Variants in NALF1 observed in about 807,000 individuals in gnomAD.
NALF1 encodes the protein family with sequence similarity 155 member A.
In NALF1, 3 loss-of-function variants were observed where a neutral mutation model predicts 48.4. The ratio of observed to expected loss-of-function variants is 0.06; its 90% CI spans 0.03 to 0.16. The LOEUF (loss-of-function observed/expected upper bound fraction) is 0.16, where lower values mean the gene tolerates loss of function less well. Ranked by LOEUF, NALF1 falls within the 10% of genes least tolerant of loss-of-function variation. NALF1 has a pLI of 1.00. For synonymous variants in NALF1, 262 were observed against 245.7 expected, an observed-to-expected ratio of 1.07 and a Z score of -0.62; for missense variants, 526 against 571.5, an observed-to-expected ratio of 0.92 and a Z score of 0.81.
chr13:107,287,778 T>C (rs1176359783), intron 1 of NALF1, among the ~76,000 whole-genome samples: 2 of 150,140 alleles, frequency 1.3e-5, no homozygotes. Context: ...CAATCTCAGT[T>C]CACCACAACC....
At chr13:107,203,963 C>T (rs1458174784) in intron 2 of NALF1, among the ~76,000 whole-genome samples, 1 of 152,174 alleles carries the variant, frequency 6.6e-6, no homozygotes, top group Non-Finnish European at 1.5e-5. Context: ...CAGAGCTCTC[C>T]CTGCTCTCCA....
intron 1 of NALF1, among the ~76,000 whole-genome samples, chr13:107,693,559 C>T (rs1324973747): frequency 6.6e-6 from 1 of 150,526 alleles, no homozygotes; most frequent in East Asian, 1.9e-4. Context: ...GAATCTCTGC[C>T]ACGCTTATTA....
intron 2 of NALF1, among the ~76,000 whole-genome samples, chr13:107,195,042 G>A (rs1594064302): frequency 6.6e-6 from 1 of 152,230 alleles, no homozygotes; most frequent in South Asian, 2.1e-4. Flanking sequence ...TGCAAGAATG[G>A]CCATATTCAA....
chr13:107,183,922 C>G (rs1470109032), intron 2 of NALF1, among the ~76,000 whole-genome samples: 1 of 151,992 alleles, frequency 6.6e-6, no homozygotes, highest in Non-Finnish European at 1.5e-5. Flanking sequence ...ATTTTTCCAA[C>G]TTTACCACTG....
At chr13:107,204,058 GGCGCCCACAAGC>G in intron 2 of NALF1, among the ~76,000 whole-genome samples, 1 of 134,316 alleles carries the variant, frequency 7.4e-6, no homozygotes, top group South Asian at 2.3e-4. Flanking sequence ...GGCAGAGAGG[GGCGCCCACAAGC>G]TCTCCCTGCT....
chr13:107,465,314 TA>T (rs1236284481), intron 1 of NALF1, among the ~76,000 whole-genome samples: 21 of 7,444 alleles, frequency 2.8e-3, no homozygotes, highest in Non-Finnish European at 5.0e-3. Flanking sequence ...ACTGTATAAT[TA>T]TATATATATA....
At chr13:107,344,488 G>A (rs1010452747) in intron 1 of NALF1, among the ~76,000 whole-genome samples, 5 of 152,134 alleles carry the variant, frequency 3.3e-5, no homozygotes, top group African/African-American at 9.6e-5. Flanking sequence ...ATTAGACACT[G>A]TGACTAAGTT....
At chr13:107,173,047 CCA>C (rs1487431782) in intron 2 of NALF1, among the ~76,000 whole-genome samples, 6 of 152,204 alleles carry the variant, frequency 3.9e-5, no homozygotes, top group Admixed American at 2.0e-4. Flanking sequence ...TAAAATAATT[CCA>C]CAGAGTATTT....
At chr13:107,667,835 T>G (rs9514722) in intron 1 of NALF1, among the ~76,000 whole-genome samples, 82,388 of 151,946 alleles carry the variant, frequency 0.54, 23,494 homozygotes, top group Middle Eastern at 0.71. Flanking sequence ...CACTATACAA[T>G]CATAGAAGAG....
chr13:107,571,757 A>G (rs1877992422), intron 1 of NALF1, among the ~76,000 whole-genome samples: 1 of 152,208 alleles, frequency 6.6e-6, no homozygotes. Context: ...AACTCCAGGT[A>G]GCTACTATTA....
intron 1 of NALF1, among the ~76,000 whole-genome samples, chr13:107,679,271 CTTAAGTTTTT>C: frequency 6.6e-6 from 1 of 152,162 alleles, no homozygotes; most frequent in South Asian, 2.1e-4. Context: ...AAAACATTTT[CTTAAGTTTTT>C]TTTGAAAATG....
chr13:107,650,394 T>TAAA lies in NALF1; in HGVS notation c.915+215285_915+215287dup, dbSNP rs11330259. ...TTTGAACGGTAATCTCTGCAACCAT[T>TAAA]AAAAAAAAAAAAAAGGAACAAATTA... On this transcript the variant is annotated intron_variant, in intron 1 of 2. Coordinates refer to ENST00000375915, the MANE Select transcript of NALF1 (RefSeq NM_001080396.3). 4.9e-3 allele frequency among the ~76,000 whole-genome samples: 524 copies of TAAA among 107,668 alleles called. 6 individuals are homozygous for TAAA. Among genetic ancestry groups the TAAA allele is most frequent in the African/African-American group, 0.015 (487 of 31,564 alleles). 70.6% of individuals were successfully genotyped at this position (107,668 alleles called of 152,430 possible).
At chr13:107,516,067 G>A (rs1189333300) in intron 1 of NALF1, among the ~76,000 whole-genome samples, 1 of 152,152 alleles carries the variant, frequency 6.6e-6, no homozygotes, top group South Asian at 2.1e-4. Flanking sequence ...AAAGGAAAAT[G>A]TTCACTGGGG....
chr13:107,442,546 G>A lies in NALF1; in HGVS notation c.916-231791C>T, dbSNP rs556243669. Among the ~76,000 whole-genome samples, 19 of 152,230 alleles carry A rather than the reference G, an allele frequency of 1.2e-4. No homozygotes were observed. The South Asian group carries it at 3.3e-3, about 27-fold the overall frequency. On this transcript the variant is annotated intron_variant, in intron 1 of 2. Transcript: ENST00000375915. ...GTTTAATGAAGTTGATGCCTGAGAC[G>A]AGTGGAAGAATTTTTAAAGACAAAG...
At chr13:107,705,623 TAAAC>T in intron 1 of NALF1, among the ~76,000 whole-genome samples, 1 of 152,096 alleles carries the variant, frequency 6.6e-6, no homozygotes, top group East Asian at 1.9e-4. Context: ...TTATTAGACA[TAAAC>T]AAAATACTGG....
chr13:107,862,760 T>C (rs1034796880), intron 1 of NALF1, among the ~76,000 whole-genome samples: 4 of 151,926 alleles, frequency 2.6e-5, no homozygotes, highest in Non-Finnish European at 4.4e-5. Flanking sequence ...GAATAATTGG[T>C]CAAAAAGCCT....
At chr13:107,822,994 AC>A (rs1268944934) in intron 1 of NALF1, among the ~76,000 whole-genome samples, 2 of 152,180 alleles carry the variant, frequency 1.3e-5, no homozygotes, top group Non-Finnish European at 2.9e-5. Flanking sequence ...ATAATCGGGT[AC>A]TGCTGAGGTC....
intron 1 of NALF1, among the ~76,000 whole-genome samples, chr13:107,592,949 C>A (rs992446765): frequency 2.0e-5 from 3 of 151,706 alleles, no homozygotes; most frequent in African/African-American, 7.3e-5. Context: ...GGGTAGCAGT[C>A]TAAAGAAATA....
chr13:107,728,467 G>A (rs1248335183), intron 1 of NALF1, among the ~76,000 whole-genome samples: 2 of 151,920 alleles, frequency 1.3e-5, no homozygotes, highest in African/African-American at 4.8e-5. Context: ...TCACTCATAC[G>A]TGGGAGTTGA....
Sources: allele counts gnomAD v4.1 joint callset (sites outside exome capture counted in the v4.1 genomes callset), GRCh38; gene constraint gnomAD v4.1.1; transcripts MANE v1.5; gene names NCBI Gene and HGNC (gene_info 2026-07-23, HGNC 2026-07-21).